The following UGT2A1 variants were observed in gnomAD, a reference collection of about 807,000 sequenced individuals.
UGT2A1 encodes UDP glucuronosyltransferase family 2 member A1 complex locus.
A neutral mutation model predicts 45.4 loss-of-function variants in UGT2A1; 61 were observed. The ratio of observed to expected loss-of-function variants is 1.34; its 90% CI spans 1.09 to 1.66. The LOEUF (loss-of-function observed/expected upper bound fraction) is 1.66. Ranked by LOEUF, UGT2A1 falls within the 40% of genes most tolerant of loss-of-function variation. UGT2A1 has a pLI of 0.00. For missense variants in UGT2A1, 649 were observed against 574.3 expected (o/e 1.13, Z -1.33); for synonymous variants, 229 against 196.2 (o/e 1.17, Z -1.40).
Position 69,594,664 on chromosome 4 carries a change from C to T in UGT2A1, c.1117G>A (p.Gly373Ser). The T allele has an allele frequency of 1.9e-6, 3 of 1,613,970 alleles. No homozygotes were observed. The highest frequency in any genetic ancestry group is 1.3e-5 in the African/African-American group (1 of 75,032). The change falls in exon 6 of 7, where the codon GGT (glycine) becomes AGT (serine). Residue 373 changes from glycine to serine, a missense_variant. By Grantham distance (56) the Gly-to-Ser change is moderately conservative (BLOSUM62 0). Coordinates refer to ENST00000286604, the MANE Select transcript of UGT2A1 (RefSeq NM_001252275.3). Reference protein sequence around the residue: ...HPKTKAFITHGGTNGIYEAIY... With the variant: ...HPKTKAFITHSGTNGIYEAIY... ...GCTTCGTAGATCCCATTAGTTCCACCATGAGTGATAAAAGCTTTGGTTTTG... is the reference window on the plus strand; with the variant it reads ...GCTTCGTAGATCCCATTAGTTCCACTATGAGTGATAAAAGCTTTGGTTTTG...
At chr4:69,635,113 T>TTAAAAA (rs1320490649) in intron 3 of UGT2A1, among the ~76,000 whole-genome samples, 1 of 151,518 alleles carries the variant, frequency 6.6e-6, no homozygotes, top group African/African-American at 2.4e-5. Flanking sequence ...ACAAGAAAGT[T>TTAAAAA]TAAAAATAAA....
At chr4:69,639,275 T>G (rs200415565) in intron 2 of UGT2A1, 517 of 1,613,584 alleles carry the variant, frequency 3.2e-4, no homozygotes, top group Non-Finnish European at 4.2e-4. Flanking sequence ...TGTCTAGAAG[T>G]TTTCCTAGTT....
chr4:69,613,717 CAA>C (rs1304257077), intron 3 of UGT2A1, among the ~76,000 whole-genome samples: 3 of 151,930 alleles, frequency 2.0e-5, no homozygotes, highest in Non-Finnish European at 4.4e-5. Context: ...AGTACCAGGA[CAA>C]AATCCATATG....
chr4:69,597,306 T>C (rs1031701158), intron 4 of UGT2A1, among the ~76,000 whole-genome samples: 1 of 152,184 alleles, frequency 6.6e-6, no homozygotes, highest in Admixed American at 6.5e-5. Flanking sequence ...CTTCTTGATG[T>C]ATAAGCTGCC....
intron 3 of UGT2A1, among the ~76,000 whole-genome samples, chr4:69,610,049 T>G (rs2109914795): frequency 6.6e-6 from 1 of 152,278 alleles, no homozygotes; most frequent in East Asian, 1.9e-4. Flanking sequence ...TTAAAACCAG[T>G]CAGGCTTCTG....
At chr4:69,651,723 A>G (rs1722532799) in intron 1 of UGT2A1, among the ~76,000 whole-genome samples, 1 of 152,342 alleles carries the variant, frequency 6.6e-6, no homozygotes. Context: ...TGCAGATGCC[A>G]GAGAGGAGCG....
At chr4:69,636,924 T>A (rs1032586847) in intron 2 of UGT2A1, among the ~76,000 whole-genome samples, 1 of 152,280 alleles carries the variant, frequency 6.6e-6, no homozygotes, top group South Asian at 2.1e-4. Flanking sequence ...CAGTGGAACC[T>A]GAAGCCACAT....
At chr4:69,639,099 C>G (rs759362531) in intron 2 of UGT2A1, 7 of 1,613,376 alleles carry the variant, frequency 4.3e-6, no homozygotes, top group Non-Finnish European at 5.9e-6. Context: ...TGGAGAGAAC[C>G]TCAATGTGTA....
In UGT2A1 at chr4:69,646,967, A is replaced by G; in HGVS notation, c.678T>C (p.Leu226=). Reference sequence around the variant, plus strand: ...TATAGTATGAATCCCATGATTTCCAAAGAGTTTCAAACATGTAGTCCTGTA... The same window carrying G: ...TATAGTATGAATCCCATGATTTCCAGAGAGTTTCAAACATGTAGTCCTGTA... The part of the protein sequence containing the change: ...YHLQDYMFET[L]WKSWDSYYSK... Residue 226 remains leucine (L), a synonymous_variant, in exon 2 of 7, where the codon CTT becomes CTC. Coordinates refer to ENST00000286604, the MANE Select transcript of UGT2A1 (RefSeq NM_001252275.3). 6.2e-7 allele frequency: 1 copy of G among 1,601,420 alleles called. No homozygotes were observed. The highest frequency in any genetic ancestry group is 1.7e-5 in the Admixed American group (1 of 57,650).
Position 69,606,759 on chromosome 4 carries a change from G to A in UGT2A1, c.848-7365C>T, listed in dbSNP as rs2109906673. On this transcript the variant is annotated intron_variant, in intron 3 of 6. Coordinates refer to ENST00000286604, the MANE Select transcript of UGT2A1 (RefSeq NM_001252275.3). ...CAAAATCAATGTGCAAAAATCACAA[G>A]CATTCTTATACACCAATAACAGACA... Among the ~76,000 whole-genome samples, 2 of 136,660 alleles carry A rather than the reference G, an allele frequency of 1.5e-5. 1 individual carries two copies. The highest frequency in any genetic ancestry group is 4.8e-4 in the South Asian group (2 of 4,132). 89.7% of individuals were successfully genotyped at this position (136,660 alleles called of 152,430 possible). A position where few individuals can be genotyped will look rare whatever the true frequency, so the allele number is the denominator to read the frequency against.
At chr4:69,641,722 A>G (rs1342590312) in intron 2 of UGT2A1, among the ~76,000 whole-genome samples, 3 of 151,750 alleles carry the variant, frequency 2.0e-5, no homozygotes, top group Non-Finnish European at 4.4e-5. Context: ...ATGATTCACC[A>G]CTTTCTGAAT....
At chr4:69,641,196 TA>T (rs1277504536) in intron 2 of UGT2A1, among the ~76,000 whole-genome samples, 1 of 151,908 alleles carries the variant, frequency 6.6e-6, no homozygotes, top group Non-Finnish European at 1.5e-5. Context: ...ATGATGATAT[TA>T]GTCAACTTCC....
intron 4 of UGT2A1, 128 bp downstream of exon 4, chr4:69,599,118 A>C: frequency 7.3e-7 from 1 of 1,364,644 alleles, no homozygotes; most frequent in African/African-American, 1.5e-5. Context: ...TATCACAAGG[A>C]AAATAGATGT....
chr4:69,627,560 G>T (rs1167804306), intron 3 of UGT2A1, among the ~76,000 whole-genome samples: 1 of 142,746 alleles, frequency 7.0e-6, no homozygotes, highest in Admixed American at 7.1e-5. Context: ...GAGAGAGAGA[G>T]AGAGAGAAAG....
At chr4:69,626,135 T>C (rs918825122) in intron 3 of UGT2A1, among the ~76,000 whole-genome samples, 21 of 151,544 alleles carry the variant, frequency 1.4e-4, no homozygotes, top group African/African-American at 5.1e-4. Context: ...TGATTTTACC[T>C]TGTTGGATAC....
At chr4:69,615,707 G>A (rs1352169514) in intron 3 of UGT2A1, among the ~76,000 whole-genome samples, 2 of 151,650 alleles carry the variant, frequency 1.3e-5, no homozygotes, top group East Asian at 1.9e-4. Flanking sequence ...CCCTGACCCC[G>A]CCGCAAAAAC....
intron 2 of UGT2A1, 88 bp downstream of exon 2, chr4:69,646,842 A>G: frequency 1.1e-6 from 1 of 939,478 alleles, no homozygotes; most frequent in East Asian, 2.6e-5. Flanking sequence ...TGGAATTAAA[A>G]AAGAATAGAC....
At chr4:69,602,954 G>A (rs1245193262) in intron 3 of UGT2A1, among the ~76,000 whole-genome samples, 1 of 135,404 alleles carries the variant, frequency 7.4e-6, no homozygotes, top group Non-Finnish European at 1.6e-5. Flanking sequence ...TGTAATCCCA[G>A]ATACTCTAGA....
Position 69,647,698 on chromosome 4 carries a change from G to T in UGT2A1, c.-54C>A. 2.4e-6 allele frequency: 3 copies of T among 1,245,154 alleles called. No homozygotes were observed. Among genetic ancestry groups the T allele is most frequent in the Non-Finnish European group, 2.2e-6 (2 of 923,056 alleles). 77.1% of individuals were successfully genotyped at this position (1,245,154 alleles called of 1,614,324 possible). A position where few individuals can be genotyped will look rare whatever the true frequency, so the allele number is the denominator to read the frequency against. On this transcript the variant is annotated splice_region_variant and 5_prime_UTR_variant, in exon 2 of 7. Coordinates refer to ENST00000286604, the MANE Select transcript of UGT2A1 (RefSeq NM_001252275.3). ...AGATGTGAAGCAAATGTTTTTCTCT[G>T]CTTTTAAAGAAAAAAAGGAAAGACA...
Sources: gnomAD v4.1 joint callset for allele counts (sites outside exome capture counted in the v4.1 genomes callset) on GRCh38, gnomAD v4.1.1 for gene constraint, MANE v1.5 for transcripts, NCBI Gene and HGNC (gene_info 2026-07-23, HGNC 2026-07-21) for gene names.